The following PTPRT variants were observed in gnomAD, a reference collection of about 807,000 sequenced individuals.
PTPRT encodes protein tyrosine phosphatase receptor type T, also known as receptor-type tyrosine-protein phosphatase T.
In PTPRT, 56 loss-of-function variants were observed where a neutral mutation model predicts 176.8. That is an observed-to-expected ratio of 0.32 (90% CI 0.26 to 0.40). PTPRT has a LOEUF of 0.40. Ranked by LOEUF, PTPRT falls within the 10% of genes least tolerant of loss-of-function variation. PTPRT has a pLI of 1.00. For synonymous variants in PTPRT, 783 were observed against 739.0 expected (o/e 1.06, Z -0.96); for missense variants, 1,540 against 1,908.2 (o/e 0.81, Z 3.60).
At chr20:42,952,015 G>A (rs920405697) in intron 1 of PTPRT, among the ~76,000 whole-genome samples, 1 of 152,152 alleles carries the variant, frequency 6.6e-6, no homozygotes, top group African/African-American at 2.4e-5. Flanking sequence ...TCTTGAACCC[G>A]GGCTATGAGC....
At chr20:43,109,985 G>A (rs1268825240) in intron 1 of PTPRT, among the ~76,000 whole-genome samples, 1 of 152,168 alleles carries the variant, frequency 6.6e-6, no homozygotes, top group Non-Finnish European at 1.5e-5. Flanking sequence ...CAGGAGCAAT[G>A]GGAAGTTATT....
the PTPRT span, among the ~76,000 whole-genome samples, chr20:42,038,513 A>T: frequency 6.6e-6 from 1 of 152,194 alleles, no homozygotes; most frequent in African/African-American, 2.4e-5. Context: ...AAGGAAGGGC[A>T]TCTGTGTGGG....
chr20:42,409,481 C>CAAAAAAAAAAAAAAAA (rs58932390), intron 9 of PTPRT, among the ~76,000 whole-genome samples: 6 of 112,144 alleles, frequency 5.4e-5, no homozygotes, highest in Admixed American at 9.2e-5. Flanking sequence ...GACTCTGTCG[C>CAAAAAAAAAAAAAAAA]AAAAAAAAAA....
intron 8 of PTPRT, among the ~76,000 whole-genome samples, chr20:42,471,340 T>C (rs1415656288): frequency 1.3e-5 from 2 of 152,166 alleles, no homozygotes; most frequent in Non-Finnish European, 2.9e-5. Context: ...TAATCTTCAG[T>C]GCTGGAGGTG....
chr20:43,138,116 C>T (rs929773756), intron 1 of PTPRT, among the ~76,000 whole-genome samples: 2 of 152,182 alleles, frequency 1.3e-5, no homozygotes, highest in Non-Finnish European at 2.9e-5. Context: ...AGCATAGGGC[C>T]CGGCACAGAG....
intron 7 of PTPRT, among the ~76,000 whole-genome samples, chr20:42,625,583 G>A (rs1173747860): frequency 6.6e-6 from 1 of 151,930 alleles, no homozygotes; most frequent in Non-Finnish European, 1.5e-5. Flanking sequence ...AGAGGTAGCT[G>A]GGGCTATGCC....
At chr20:42,929,145 G>A (rs770846223) in intron 1 of PTPRT, among the ~76,000 whole-genome samples, 7 of 152,232 alleles carry the variant, frequency 4.6e-5, no homozygotes, top group South Asian at 2.1e-4. Flanking sequence ...CTTAGCATGC[G>A]AGAGTAATTC....
At chr20:42,460,962 G>A (rs1440894602) in intron 8 of PTPRT, among the ~76,000 whole-genome samples, 3 of 152,018 alleles carry the variant, frequency 2.0e-5, no homozygotes, top group Admixed American at 2.0e-4. Flanking sequence ...GTGGGAGGAC[G>A]GCTTGAGGCT....
intron 23 of PTPRT, among the ~76,000 whole-genome samples, chr20:42,108,057 G>GTTTT (rs1207420610): frequency 6.6e-6 from 1 of 152,024 alleles, no homozygotes; most frequent in Non-Finnish European, 1.5e-5. Context: ...GGTCACTCGT[G>GTTTT]TTTTTTTCTT....
chr20:42,518,606 A>T (rs562509378), intron 7 of PTPRT, among the ~76,000 whole-genome samples: 1 of 152,126 alleles, frequency 6.6e-6, no homozygotes, highest in African/African-American at 2.4e-5. Flanking sequence ...CTGTAGACTA[A>T]CTATAATTCC....
intron 27 of PTPRT, among the ~76,000 whole-genome samples, chr20:42,089,928 G>A (rs975637184): frequency 6.6e-6 from 1 of 152,162 alleles, no homozygotes; most frequent in Non-Finnish European, 1.5e-5. Flanking sequence ...GACTGTCCTG[G>A]TGTTCAAGTG....
chr20:43,073,387 T>A (rs1032062838), intron 1 of PTPRT, among the ~76,000 whole-genome samples: 1 of 151,972 alleles, frequency 6.6e-6, no homozygotes, highest in African/African-American at 2.4e-5. Flanking sequence ...TTCTGGGCTG[T>A]TACTCTAATC....
chr20:42,301,287 G>A (rs2057464560), intron 12 of PTPRT, among the ~76,000 whole-genome samples: 1 of 152,090 alleles, frequency 6.6e-6, no homozygotes, highest in Admixed American at 6.6e-5. Context: ...TGACAAAAAT[G>A]CATAACTTGA....
intron 2 of PTPRT, among the ~76,000 whole-genome samples, chr20:42,829,207 C>T (rs1005254318): frequency 1.3e-5 from 2 of 152,194 alleles, no homozygotes; most frequent in East Asian, 3.9e-4. Context: ...CTGCCTGATT[C>T]TAGATTTGCA....
intron 7 of PTPRT, among the ~76,000 whole-genome samples, chr20:42,644,881 A>G (rs1248010978): frequency 3.9e-5 from 6 of 152,170 alleles, no homozygotes; most frequent in Non-Finnish European, 8.8e-5. Flanking sequence ...GTGCTCTTCC[A>G]TTTCTCATTG....
chr20:42,570,540 C>T (rs1037120174), intron 7 of PTPRT, among the ~76,000 whole-genome samples: 1 of 152,118 alleles, frequency 6.6e-6, no homozygotes, highest in African/African-American at 2.4e-5. Context: ...AATTAATAAG[C>T]CATTTACTCC....
At chr20:42,684,983 C>A (rs547415201) in intron 6 of PTPRT, among the ~76,000 whole-genome samples, 1 of 152,268 alleles carries the variant, frequency 6.6e-6, no homozygotes, top group South Asian at 2.1e-4. Context: ...GTCTTCACAG[C>A]AACTTTATGG....
chr20:43,130,599 T>C (rs1044308014), intron 1 of PTPRT, among the ~76,000 whole-genome samples: 1 of 152,012 alleles, frequency 6.6e-6, no homozygotes. Context: ...ATTTTTTACA[T>C]ATTGAAAAAA....
intron 7 of PTPRT, among the ~76,000 whole-genome samples, chr20:42,614,995 T>C (rs1489086294): frequency 5.4e-5 from 8 of 147,146 alleles, no homozygotes; most frequent in African/African-American, 2.1e-4. Flanking sequence ...TGCAGGTTAG[T>C]TACATATGTA....
Sources: allele counts gnomAD v4.1 joint callset (sites outside exome capture counted in the v4.1 genomes callset), GRCh38; gene constraint gnomAD v4.1.1; transcripts MANE v1.5; gene names NCBI Gene and HGNC (gene_info 2026-07-23, HGNC 2026-07-21).